ASTN2: variants seen among roughly 807,000 people sequenced by gnomAD.
The protein encoded by ASTN2 is astrotactin 2, also known as astrotactin-2.
In ASTN2, 54 loss-of-function variants were observed where a neutral mutation model predicts 139.8. The observed-to-expected ratio is 0.39, with a 90% CI of 0.31 to 0.48. The LOEUF (loss-of-function observed/expected upper bound fraction) is 0.48, where lower values mean the gene tolerates loss of function less well. Ranked by LOEUF, ASTN2 falls within the 20% of genes least tolerant of loss-of-function variation. The pLI is 0.95. For missense variants in ASTN2, 1,565 were observed against 1,725.1 expected (o/e 0.91, Z 1.64); for synonymous variants, 756 against 719.5 (o/e 1.05, Z -0.81).
chr9:116,997,417 G>T (rs1209948235), intron 7 of ASTN2, among the ~76,000 whole-genome samples: 1 of 152,200 alleles, frequency 6.6e-6, no homozygotes, highest in South Asian at 2.1e-4. Flanking sequence ...TGCTGTCACA[G>T]TTCCTTCTAC....
chr9:117,060,459 AGG>A (rs1491573656), intron 5 of ASTN2, among the ~76,000 whole-genome samples: 2 of 88,574 alleles, frequency 2.3e-5, no homozygotes, highest in African/African-American at 1.1e-4. Flanking sequence ...AAAGAAAGAA[AGG>A]AAGGAAGGAA....
At chr9:117,227,687 G>A (rs1284795407) in intron 2 of ASTN2, among the ~76,000 whole-genome samples, 1 of 152,194 alleles carries the variant, frequency 6.6e-6, no homozygotes, top group Non-Finnish European at 1.5e-5. Context: ...CAGGTAAGGG[G>A]TACTGGGTAT....
intron 5 of ASTN2, among the ~76,000 whole-genome samples, chr9:117,073,080 AGT>A (rs1828179646): frequency 1.3e-5 from 2 of 152,188 alleles, no homozygotes; most frequent in South Asian, 4.1e-4. Flanking sequence ...AAGATGATAT[AGT>A]GCAGCACAAA....
At chr9:116,534,632 C>T (rs1239002881) in intron 19 of ASTN2, among the ~76,000 whole-genome samples, 1 of 152,196 alleles carries the variant, frequency 6.6e-6, no homozygotes, top group Admixed American at 6.5e-5. Flanking sequence ...AGTAGTCATT[C>T]AGGAACAGGT....
At chr9:117,217,033 G>A (rs1040004179) in intron 2 of ASTN2, among the ~76,000 whole-genome samples, 4 of 152,198 alleles carry the variant, frequency 2.6e-5, no homozygotes, top group African/African-American at 4.8e-5. Context: ...AAAGGGCCAG[G>A]AAGTGGTGGA....
At chr9:117,407,676 G>T (rs1255568277) in intron 1 of ASTN2, among the ~76,000 whole-genome samples, 1 of 152,128 alleles carries the variant, frequency 6.6e-6, no homozygotes, top group Non-Finnish European at 1.5e-5. Context: ...GGGGGCTATT[G>T]TCCAAAAGAG....
chr9:116,894,796 C>T (rs745957141), intron 10 of ASTN2, among the ~76,000 whole-genome samples: 4 of 152,236 alleles, frequency 2.6e-5, no homozygotes, highest in Middle Eastern at 3.4e-3. Flanking sequence ...AGGTTATTTG[C>T]GCAATGTCTC....
intron 7 of ASTN2, among the ~76,000 whole-genome samples, chr9:117,006,384 A>T (rs571750013): frequency 6.6e-6 from 1 of 152,178 alleles, no homozygotes; most frequent in Non-Finnish European, 1.5e-5. Flanking sequence ...CCCATTGTTC[A>T]GACTGAAAAA....
At chr9:116,655,456 G>C (rs1420284915) in intron 16 of ASTN2, among the ~76,000 whole-genome samples, 3 of 152,134 alleles carry the variant, frequency 2.0e-5, no homozygotes, top group African/African-American at 7.2e-5. Flanking sequence ...TGCCTCTCTA[G>C]TTGGATCTCT....
chr9:116,872,025 C>T (rs545010414), intron 10 of ASTN2, among the ~76,000 whole-genome samples: 3 of 152,208 alleles, frequency 2.0e-5, no homozygotes, highest in African/African-American at 4.8e-5. Flanking sequence ...AGTGCAGTGG[C>T]GCGATCTTGG....
rs958531639 is a variant in ASTN2, at chr9:116,619,545, A to G, written c.3206+765T>C. On this transcript the variant is annotated intron_variant, in intron 18 of 22. Coordinates refer to ENST00000313400, the MANE Select transcript of ASTN2 (RefSeq NM_001365068.1). ...TTATTAAAAAAATGTTGTTGTTGAG[A>G]CAGGGTCTCACTCTGTCACCAGGGC... is the stretch of plus-strand genomic sequence containing the variant. Among the ~76,000 whole-genome samples the G allele has an allele frequency of 2.6e-5, 4 of 151,974 alleles. No homozygotes were observed. In the East Asian group the frequency reaches 7.7e-4, roughly 29 times the overall value.
At chr9:117,011,520 T>A (rs1277552111) in intron 6 of ASTN2, among the ~76,000 whole-genome samples, 1 of 152,196 alleles carries the variant, frequency 6.6e-6, no homozygotes, top group Admixed American at 6.5e-5. Flanking sequence ...AGAAATAAAT[T>A]TCTGTTGTTT....
At chr9:116,722,779 C>G (rs999566875) in intron 16 of ASTN2, among the ~76,000 whole-genome samples, 1 of 152,020 alleles carries the variant, frequency 6.6e-6, no homozygotes, top group Admixed American at 6.6e-5. Flanking sequence ...CCTACTCTAC[C>G]GAGTTTGACC....
chr9:117,235,308 G>A (rs533533676), intron 2 of ASTN2, among the ~76,000 whole-genome samples: 2 of 151,810 alleles, frequency 1.3e-5, no homozygotes, highest in African/African-American at 4.8e-5. Flanking sequence ...TCATTTATTG[G>A]TATTGACAAA....
intron 5 of ASTN2, among the ~76,000 whole-genome samples, chr9:117,059,474 A>G (rs544209617): frequency 6.6e-5 from 10 of 152,196 alleles, no homozygotes; most frequent in East Asian, 1.9e-4. Context: ...TTAGCTGGGC[A>G]TGGTGATGCA....
intron 1 of ASTN2, among the ~76,000 whole-genome samples, chr9:117,354,533 T>A (rs891916824): frequency 2.0e-5 from 3 of 152,232 alleles, no homozygotes; most frequent in Non-Finnish European, 4.4e-5. Context: ...CTCCCTCTTG[T>A]GTGCACCCAT....
chr9:117,121,109 G>A (rs905103467), intron 4 of ASTN2, among the ~76,000 whole-genome samples: 1 of 152,196 alleles, frequency 6.6e-6, no homozygotes, highest in Non-Finnish European at 1.5e-5. Flanking sequence ...ACATGGGGTA[G>A]GCATCACTAC....
intron 2 of ASTN2, among the ~76,000 whole-genome samples, chr9:117,267,901 G>C (rs1572304): frequency 0.98 from 149,463 of 152,308 alleles, 73,406 homozygotes; most frequent in Middle Eastern, 1. Context: ...TCCTGCTCCT[G>C]CAACTCCTCC....
chr9:117,336,106 C>T (rs922300110), intron 1 of ASTN2, among the ~76,000 whole-genome samples: 1 of 150,744 alleles, frequency 6.6e-6, no homozygotes, highest in Non-Finnish European at 1.5e-5. Context: ...AAAATTTTCC[C>T]ATTCTGCTCT....
Sources: gnomAD v4.1 joint callset for allele counts (sites outside exome capture counted in the v4.1 genomes callset) on GRCh38, gnomAD v4.1.1 for gene constraint, MANE v1.5 for transcripts, NCBI Gene and HGNC (gene_info 2026-07-23, HGNC 2026-07-21) for gene names.